Variants in FLVCR1 observed in about 807,000 individuals in gnomAD.
FLVCR1 encodes FLVCR choline and heme transporter 1.
Under a neutral mutation model 53.6 loss-of-function variants are expected in FLVCR1, and 34 were observed. That is an observed-to-expected ratio of 0.63 (90% CI 0.48 to 0.84). The LOEUF is 0.84. FLVCR1 is among the 40% of genes least tolerant of loss of function. The pLI is 0.00. For synonymous variants in FLVCR1, 300 were observed against 286.3 expected, an observed-to-expected ratio of 1.05 and a Z score of -0.48; for missense variants, 677 against 696.7, an observed-to-expected ratio of 0.97 and a Z score of 0.32.
intron 3 of FLVCR1, among the ~76,000 whole-genome samples, chr1:212,883,120 A>C (rs1029517048): frequency 6.6e-6 from 1 of 152,186 alleles, no homozygotes; most frequent in Non-Finnish European, 1.5e-5. Flanking sequence ...AATCTAAATA[A>C]TAATAGTATT....
At position 212,895,629 on chromosome 1, in the gene FLVCR1, T is replaced by G. The variant is rs12074192; in HGVS notation, c.*339T>G. On this transcript the variant is annotated 3_prime_UTR_variant, in exon 10 of 10. Coordinates refer to ENST00000366971, the MANE Select transcript of FLVCR1 (RefSeq NM_014053.4). ...TTTTGTAGAAAATGGAAGCTTAGAA[T>G]ACTTTTTAAAGTGATAATATGGGGT... 0.67 allele frequency: 228,212 copies of G among 342,978 alleles called. 78,838 individuals carry two copies. The highest frequency in any genetic ancestry group is 0.92 in the East Asian group (12,386 of 13,506). The allele number at this position is 342,978 out of a possible 1,614,324, so 21.2% of individuals were successfully genotyped here.
intron 1 of FLVCR1, among the ~76,000 whole-genome samples, chr1:212,860,195 C>T (rs917674830): frequency 6.6e-6 from 1 of 152,084 alleles, no homozygotes; most frequent in Non-Finnish European, 1.5e-5. Context: ...AATCTACATG[C>T]TTATTGCTTT....
chr1:212,885,465 T>C (rs1038106864), intron 5 of FLVCR1, 69 bp downstream of exon 5: 12 of 1,237,586 alleles, frequency 9.7e-6, no homozygotes, highest in Non-Finnish European at 1.3e-5. Flanking sequence ...CAATTTGCTT[T>C]TTATTTCAAG....
At chr1:212,893,494 A>C (rs1230752426) in intron 8 of FLVCR1, among the ~76,000 whole-genome samples, 3 of 152,216 alleles carry the variant, frequency 2.0e-5, no homozygotes, top group Non-Finnish European at 4.4e-5. Flanking sequence ...GCAGGGTTTG[A>C]GAGGATCAAC....
chr1:212,874,496 CT>C (rs1458399388), intron 3 of FLVCR1, among the ~76,000 whole-genome samples: 1 of 141,816 alleles, frequency 7.1e-6, no homozygotes, highest in Non-Finnish European at 1.5e-5. Flanking sequence ...AAATTCATTT[CT>C]TTTGCCTGTC....
chr1:212,885,773 G>A (rs190971786), intron 5 of FLVCR1, among the ~76,000 whole-genome samples: 10 of 151,808 alleles, frequency 6.6e-5, no homozygotes, highest in African/African-American at 1.9e-4. Context: ...GGATGGTCTC[G>A]ATCTCCTGAC....
chr1:212,880,793 A>AT lies in FLVCR1; in HGVS notation c.1025-2576dup, dbSNP rs1418627511. Among the ~76,000 whole-genome samples the AT allele has an allele frequency of 2.4e-4, 19 of 79,244 alleles. No homozygotes were observed. In the Admixed American group the frequency reaches 2.9e-3, roughly 12 times the overall value. 52.0% of individuals were successfully genotyped at this position (79,244 alleles called of 152,430 possible). On this transcript the variant is annotated intron_variant, in intron 3 of 9. Transcript: ENST00000366971. ...CCTGAGCAACAGAGTGAGACTCTTTATTAAAAAAAAAAAAAAAAAAGAAGT... is the reference window on the plus strand; with the variant it reads ...CCTGAGCAACAGAGTGAGACTCTTTATTTAAAAAAAAAAAAAAAAAAGAAGT...
chr1:212,862,584 A>G (rs1329093801), intron 1 of FLVCR1, among the ~76,000 whole-genome samples: 1 of 152,214 alleles, frequency 6.6e-6, no homozygotes, highest in East Asian at 1.9e-4. Context: ...CTGTTGATAA[A>G]TGTTTGGGTT....
intron 3 of FLVCR1, among the ~76,000 whole-genome samples, chr1:212,873,078 A>G (rs533886099): frequency 6.6e-6 from 1 of 152,124 alleles, no homozygotes; most frequent in African/African-American, 2.4e-5. Flanking sequence ...TGGCCGAGGT[A>G]TGTGGATCAC....
chr1:212,870,736 T>A (rs1214925684), intron 2 of FLVCR1, among the ~76,000 whole-genome samples: 1 of 152,142 alleles, frequency 6.6e-6, no homozygotes, highest in African/African-American at 2.4e-5. Context: ...ATTTACTGAA[T>A]CCATTTACCT....
chr1:212,883,907 A>G (rs1664989839), intron 4 of FLVCR1, among the ~76,000 whole-genome samples: 1 of 150,694 alleles, frequency 6.6e-6, no homozygotes, highest in South Asian at 2.1e-4. Context: ...ACCTAGCACT[A>G]GTGACACCAT....
At chr1:212,880,631 C>G (rs1664895376) in intron 3 of FLVCR1, among the ~76,000 whole-genome samples, 1 of 152,028 alleles carries the variant, frequency 6.6e-6, no homozygotes, top group African/African-American at 2.4e-5. Flanking sequence ...AACCCGGTCT[C>G]TAATAAAAAT....
At chr1:212,869,461 T>C (rs1664536261) in intron 2 of FLVCR1, among the ~76,000 whole-genome samples, 1 of 152,232 alleles carries the variant, frequency 6.6e-6, no homozygotes, top group Non-Finnish European at 1.5e-5. Flanking sequence ...TGCCAAAAGA[T>C]AGTTTGACTT....
intron 7 of FLVCR1, among the ~76,000 whole-genome samples, 161 bp from the exon 8 acceptor site, chr1:212,888,985 C>T (rs933359566): frequency 7.9e-5 from 12 of 152,120 alleles, no homozygotes; most frequent in Admixed American, 7.2e-4. Context: ...AGCCACTGCA[C>T]CCAGCCTGAC....
In FLVCR1 at chr1:212,898,426, T is replaced by C. The variant is rs1310490669; in HGVS notation, c.*3136T>C. The C allele has an allele frequency of 6.6e-6, 1 of 152,258 alleles. No homozygotes were observed. The highest frequency in any genetic ancestry group is 2.4e-5 in the African/African-American group (1 of 41,472). The allele number at this position is 152,258 out of a possible 1,614,324, so 9.4% of individuals were successfully genotyped here. ...TTTAAGGTCTCTCCCCAAATGTTTT[T>C]ATTTTTAAACTATCAATGTTGTTTA... On this transcript the variant is annotated 3_prime_UTR_variant, in exon 10 of 10. Transcript: ENST00000366971.
At chr1:212,894,963 A>T in intron 8 of FLVCR1, 23 bp from the exon 9 acceptor site, 1 of 1,549,944 alleles carries the variant, frequency 6.5e-7, no homozygotes, top group Non-Finnish European at 8.9e-7. Context: ...AGTTTATAGT[A>T]ACTTGATGCC....
chr1:212,889,102 A>G, intron 7 of FLVCR1, 44 bp from the exon 8 acceptor site: 1 of 1,345,076 alleles, frequency 7.4e-7, no homozygotes, highest in Non-Finnish European at 1.1e-6. Context: ...CTTGCTTTAA[A>G]TAATTTAACT....
intron 3 of FLVCR1, among the ~76,000 whole-genome samples, chr1:212,880,091 G>C (rs1664882081): frequency 6.6e-6 from 1 of 152,008 alleles, no homozygotes; most frequent in Admixed American, 6.6e-5. Context: ...TCAGGCCTGA[G>C]CACAGGCCTC....
At chr1:212,873,895 T>C (rs2102552762) in intron 3 of FLVCR1, among the ~76,000 whole-genome samples, 1 of 152,366 alleles carries the variant, frequency 6.6e-6, no homozygotes, top group East Asian at 1.9e-4. Flanking sequence ...TCACCAAAGT[T>C]GAACATTTAA....
Sources: gnomAD v4.1 joint callset for allele counts (sites outside exome capture counted in the v4.1 genomes callset) on GRCh38, gnomAD v4.1.1 for gene constraint, MANE v1.5 for transcripts, NCBI Gene and HGNC (gene_info 2026-07-23, HGNC 2026-07-21) for gene names.